ATF6: variants seen among roughly 807,000 people sequenced by gnomAD.
ATF6 encodes activating transcription factor 6.
Under a neutral mutation model 83.6 loss-of-function variants are expected in ATF6, and 53 were observed. The observed-to-expected ratio is 0.63, with a 90% confidence interval of 0.51 to 0.80. The LOEUF (loss-of-function observed/expected upper bound fraction) is 0.80, where lower values mean the gene tolerates loss of function less well. ATF6 is among the 30% of genes least tolerant of loss of function. The pLI, the probability that ATF6 is intolerant of heterozygous loss-of-function variation, is 0.00. For synonymous variants in ATF6, 288 were observed against 285.8 expected (o/e 1.01, Z -0.08); for missense variants, 744 against 797.9 (o/e 0.93, Z 0.81).
At chr1:161,939,133 A>G (rs1349444849) in intron 15 of ATF6, among the ~76,000 whole-genome samples, 2 of 152,146 alleles carry the variant, frequency 1.3e-5, no homozygotes, top group African/African-American at 4.8e-5. Flanking sequence ...ATTCCCAGCA[A>G]CATTTGACAT....
intron 7 of ATF6, among the ~76,000 whole-genome samples, chr1:161,805,756 C>G (rs1685263064): frequency 6.6e-6 from 1 of 151,470 alleles, no homozygotes; most frequent in Admixed American, 6.6e-5. Flanking sequence ...TATTTTTTAT[C>G]ATATACCTTT....
intron 15 of ATF6, among the ~76,000 whole-genome samples, chr1:161,944,144 T>C (rs1688703951): frequency 6.6e-6 from 1 of 152,174 alleles, no homozygotes; most frequent in Non-Finnish European, 1.5e-5. Flanking sequence ...AGTTTGGTGC[T>C]CAGTTAGGCC....
chr1:161,950,993 A>G (rs1688852446), intron 15 of ATF6, among the ~76,000 whole-genome samples: 1 of 152,246 alleles, frequency 6.6e-6, no homozygotes, highest in South Asian at 2.1e-4. Flanking sequence ...AGGTCCAGTG[A>G]AAAGCAAATC....
intron 15 of ATF6, among the ~76,000 whole-genome samples, chr1:161,926,936 A>G (rs754746481): frequency 2.0e-5 from 3 of 152,180 alleles, no homozygotes; most frequent in East Asian, 1.9e-4. Flanking sequence ...GCTTAGTTTT[A>G]TACTATAAAT....
At chr1:161,889,728 A>G (rs1020939829) in intron 14 of ATF6, among the ~76,000 whole-genome samples, 4 of 152,238 alleles carry the variant, frequency 2.6e-5, no homozygotes, top group Non-Finnish European at 5.9e-5. Flanking sequence ...TTTTGATTCA[A>G]ATGTCAATAA....
chr1:161,778,412 A>G, intron 2 of ATF6, 92 bp downstream of exon 2: 1 of 956,308 alleles, frequency 1.0e-6, no homozygotes, highest in Non-Finnish European at 1.6e-6. Flanking sequence ...CAGGCTAGTA[A>G]TTTAAGTTAC....
chr1:161,791,839 C>A (rs1333016297), intron 5 of ATF6, among the ~76,000 whole-genome samples: 1 of 152,204 alleles, frequency 6.6e-6, no homozygotes, highest in Non-Finnish European at 1.5e-5. Flanking sequence ...ACATTTGTTA[C>A]CTCATTAATC....
At position 161,819,689 on chromosome 1, in the gene ATF6, G is replaced by A. The variant is rs1186652044; in HGVS notation, c.966G>A (p.Gln322=). The change falls in exon 8 of 16, where the codon CAG becomes CAA. Residue 322 remains glutamine (Q), a synonymous_variant. Transcript: ENST00000367942. ...RMIKNRESAC[Q]SRKKKKEYML... ...TAAAAAATCGAGAATCCGCTTGTCAGTCTCGCAAGAAGAAGAAAGAATATA... is the reference window on the plus strand; with the variant it reads ...TAAAAAATCGAGAATCCGCTTGTCAATCTCGCAAGAAGAAGAAAGAATATA... 1.9e-6 allele frequency: 3 copies of A among 1,612,506 alleles called. No homozygotes were observed. The highest frequency in any genetic ancestry group is 1.3e-5 in the African/African-American group (1 of 74,848).
chr1:161,772,898 T>C (rs1684422111), intron 1 of ATF6, among the ~76,000 whole-genome samples: 1 of 151,868 alleles, frequency 6.6e-6, no homozygotes, highest in African/African-American at 2.4e-5. Flanking sequence ...CTGACTCTAG[T>C]TTTTTATTTC....
intron 15 of ATF6, among the ~76,000 whole-genome samples, chr1:161,917,979 TA>T (rs1443973813): frequency 6.6e-6 from 1 of 152,284 alleles, no homozygotes; most frequent in African/African-American, 2.4e-5. Context: ...AAGATTTACA[TA>T]CATTGTATAA....
At chr1:161,837,250 C>T (rs1288867943) in intron 9 of ATF6, among the ~76,000 whole-genome samples, 1 of 152,150 alleles carries the variant, frequency 6.6e-6, no homozygotes, top group African/African-American at 2.4e-5. Context: ...GCTTAGACTT[C>T]TAGGCAGTTT....
At chr1:161,818,555 AG>A (rs1201845250) in intron 7 of ATF6, among the ~76,000 whole-genome samples, 2 of 152,204 alleles carry the variant, frequency 1.3e-5, no homozygotes, top group Non-Finnish European at 2.9e-5. Flanking sequence ...CCAAATTCTA[AG>A]GGTATAAGAT....
At chr1:161,768,234 T>C (rs1684311932) in intron 1 of ATF6, among the ~76,000 whole-genome samples, 1 of 152,168 alleles carries the variant, frequency 6.6e-6, no homozygotes, top group African/African-American at 2.4e-5. Flanking sequence ...CCAGGCTGCA[T>C]TTTCCAGACT....
At chr1:161,892,653 G>A (rs1187136054) in intron 14 of ATF6, among the ~76,000 whole-genome samples, 1 of 127,722 alleles carries the variant, frequency 7.8e-6, no homozygotes, top group African/African-American at 3.2e-5. Flanking sequence ...TTTTTGAGAT[G>A]GAGTCGCGCT....
intron 9 of ATF6, among the ~76,000 whole-genome samples, chr1:161,829,640 C>T (rs1178830823): frequency 2.6e-5 from 4 of 152,014 alleles, no homozygotes; most frequent in African/African-American, 9.7e-5. Context: ...GGATGCAAGG[C>T]TGGTTCAACA....
At chr1:161,844,828 T>C (rs1399140602) in intron 9 of ATF6, among the ~76,000 whole-genome samples, 1 of 152,168 alleles carries the variant, frequency 6.6e-6, no homozygotes, top group Non-Finnish European at 1.5e-5. Context: ...GCTTCTCTCA[T>C]GTTTTCTTAA....
rs1000705484 is a variant in ATF6 at position 161,782,777 on chromosome 1, C to T, written c.247+778C>T. 7.3e-4 allele frequency among the ~76,000 whole-genome samples: 99 copies of T among 136,508 alleles called. 1 individual carries two copies. Among genetic ancestry groups the T allele is most frequent in the Non-Finnish European group, 5.9e-4 (38 of 64,506 alleles). The allele number at this position is 136,508 out of a possible 152,430, so 89.6% of individuals were successfully genotyped here. ...TCATAGAATGTGGGATACACAAAGT[C>T]AGTGTTCTGGTTTTATCGTTTGACA... On this transcript the variant is annotated intron_variant, in intron 3 of 15. Coordinates refer to ENST00000367942, the MANE Select transcript of ATF6 (RefSeq NM_007348.4).
intron 15 of ATF6, among the ~76,000 whole-genome samples, chr1:161,946,350 T>C (rs12562272): frequency 0.63 from 95,844 of 152,012 alleles, 31,996 homozygotes; most frequent in Non-Finnish European, 0.75. Flanking sequence ...GGGGAAGAAT[T>C]CTCTTTGATT....
At chr1:161,941,348 T>C (rs1688638321) in intron 15 of ATF6, among the ~76,000 whole-genome samples, 1 of 152,258 alleles carries the variant, frequency 6.6e-6, no homozygotes, top group Non-Finnish European at 1.5e-5. Context: ...GAGGCCCAGC[T>C]ATAGTCTAGG....
Sources: allele counts gnomAD v4.1 joint callset (sites outside exome capture counted in the v4.1 genomes callset), GRCh38; gene constraint gnomAD v4.1.1; transcripts MANE v1.5; gene names NCBI Gene and HGNC (gene_info 2026-07-23, HGNC 2026-07-21).